AKR1C2: variants seen among roughly 807,000 people sequenced by gnomAD.
AKR1C2 encodes the protein aldo-keto reductase family 1 member C2.
AKR1C2 carries 27 observed loss-of-function variants against 39.8 expected under a neutral mutation model. That is an observed-to-expected ratio of 0.68 (90% CI 0.50 to 0.93). AKR1C2 has a LOEUF of 0.93. AKR1C2 is among the 40% of genes least tolerant of loss of function. The pLI is 0.00. For missense variants in AKR1C2, 263 were observed against 365.1 expected (o/e 0.72, Z 2.28); for synonymous variants, 114 against 137.9 (o/e 0.83, Z 1.22).
intron 1 of AKR1C2, chr10:5,013,205 AT>A (rs782766432): frequency 2.0e-5 from 3 of 152,268 alleles, no homozygotes; most frequent in African/African-American, 4.8e-5. Flanking sequence ...AAAGTTAAAA[AT>A]ATTGAAAATA....
At chr10:4,990,848 G>A (rs2131669142) in intron 8 of AKR1C2, among the ~76,000 whole-genome samples, 1 of 151,312 alleles carries the variant, frequency 6.6e-6, no homozygotes, top group East Asian at 1.9e-4. Context: ...TCTAATGCTT[G>A]CCACTTTTCC....
Position 4,989,969 on chromosome 10 carries a change from G to A in AKR1C2, c.*27C>T, listed in dbSNP as rs367858935. 68 of 1,592,108 alleles carry A rather than the reference G, an allele frequency of 4.3e-5. No individual in the cohort carries two copies. In the South Asian group the frequency reaches 7.0e-4, roughly 16 times the overall value. On this transcript the variant is annotated 3_prime_UTR_variant, in exon 9 of 9. Transcript: ENST00000380753. Reference sequence around the variant, plus strand: ...TCACCATCCACACGCAGGGCCTTCTGGCAGACCTCATGCAATGCCCTCCAT... The same window carrying A: ...TCACCATCCACACGCAGGGCCTTCTAGCAGACCTCATGCAATGCCCTCCAT...
intron 8 of AKR1C2, among the ~76,000 whole-genome samples, chr10:4,990,580 C>T (rs1554772080): frequency 6.6e-6 from 1 of 151,892 alleles, no homozygotes; most frequent in African/African-American, 2.4e-5. Context: ...TTATAGGGCC[C>T]AATATTCAAA....
chr10:5,015,321 G>T (rs1156970262), intron 1 of AKR1C2: 1 of 152,218 alleles, frequency 6.6e-6, no homozygotes, highest in African/African-American at 2.4e-5. Flanking sequence ...GAGGAGTTTT[G>T]TAGATAGGCA....
upstream of AKR1C2, among the ~76,000 whole-genome samples, chr10:5,005,525 C>CAA (rs57669101): frequency 5.0e-4 from 75 of 150,302 alleles, no homozygotes; most frequent in African/African-American, 8.8e-4. Flanking sequence ...TACTAAAATC[C>CAA]AAAAAAAAAT....
chr10:5,009,539 T>A (rs1474152303), intron 1 of AKR1C2, among the ~76,000 whole-genome samples: 1 of 151,794 alleles, frequency 6.6e-6, no homozygotes, highest in African/African-American at 2.4e-5. Context: ...AAACTATTTC[T>A]GAATGGTTTA....
chr10:5,007,393 A>G (rs1837427304), upstream of AKR1C2: 1 of 151,558 alleles, frequency 6.6e-6, no homozygotes, highest in Admixed American at 6.6e-5. Context: ...CAATAATGTG[A>G]AGCAGAAACG....
At chr10:5,014,111 C>G (rs1401709458) in intron 1 of AKR1C2, among the ~76,000 whole-genome samples, 2 of 152,194 alleles carry the variant, frequency 1.3e-5, no homozygotes, top group African/African-American at 4.8e-5. Context: ...TGCTGATGCT[C>G]ACTTGCATTT....
At chr10:4,996,547 A>AATATATATATAT (rs200451297) in intron 5 of AKR1C2, among the ~76,000 whole-genome samples, 3 of 144,548 alleles carry the variant, frequency 2.1e-5, no homozygotes, top group Non-Finnish European at 1.5e-5. Context: ...ATATATATAT[A>AATATATATATAT]ATATATATAT....
At chr10:4,998,343 C>T (rs1254545884) in intron 5 of AKR1C2, among the ~76,000 whole-genome samples, 3 of 152,164 alleles carry the variant, frequency 2.0e-5, no homozygotes, top group Non-Finnish European at 4.4e-5. Flanking sequence ...AGGGGTAAGT[C>T]CACCTTTCCC....
At chr10:4,997,617 T>C (rs1554773244) in intron 5 of AKR1C2, among the ~76,000 whole-genome samples, 2 of 152,128 alleles carry the variant, frequency 1.3e-5, no homozygotes, top group South Asian at 4.1e-4. Context: ...TCCAGTATTA[T>C]TTTTATCAAA....
At chr10:5,017,737 C>T (rs1431705837) in intron 1 of AKR1C2, among the ~76,000 whole-genome samples, 3 of 152,158 alleles carry the variant, frequency 2.0e-5, no homozygotes, top group African/African-American at 7.2e-5. Context: ...ATCTTTATAT[C>T]AATGCTTCAC....
chr10:5,014,408 T>C (rs186913532), intron 1 of AKR1C2, among the ~76,000 whole-genome samples: 38 of 152,310 alleles, frequency 2.5e-4, no homozygotes, highest in Admixed American at 2.0e-3. Context: ...TTTCCTTTTA[T>C]ATATTTTTGC....
chr10:5,001,534 CTT>C lies in AKR1C2; in HGVS notation c.230_231del (p.Glu77GlyfsTer35), dbSNP rs1284829014. The C allele has an allele frequency of 2.5e-6, 4 of 1,613,722 alleles. No homozygotes were observed. The African/African-American group carries it at 5.3e-5, about 22-fold the overall frequency. On this transcript the variant is annotated frameshift_variant, in exon 2 of 9. Transcript: ENST00000380753. LOFTEE classifies it high-confidence loss of function. The part of the protein sequence containing the change: ...SKIADGSVKR[E>X]DIFYTSKLWS... The stretch of plus-strand genomic sequence containing the variant: ...AGTACCTTTGAAGTGTAGAATATGT[CTT>C]CTCTCTTCACACTGCCATCTGCAAT...
intron 1 of AKR1C2, chr10:5,010,732 T>G (rs1291280869): frequency 6.6e-6 from 1 of 152,222 alleles, no homozygotes; most frequent in Non-Finnish European, 1.5e-5. Flanking sequence ...ATGTTGATGA[T>G]AAGGCAATCC....
chr10:5,014,674 G>A (rs1554775204), intron 1 of AKR1C2, among the ~76,000 whole-genome samples: 1 of 152,198 alleles, frequency 6.6e-6, no homozygotes, highest in Non-Finnish European at 1.5e-5. Flanking sequence ...GTGCCTGGCT[G>A]TGCAGTCAGT....
chr10:5,007,743 C>T (rs1237175433), upstream of AKR1C2, among the ~76,000 whole-genome samples: 5 of 151,604 alleles, frequency 3.3e-5, no homozygotes, highest in Admixed American at 1.3e-4. Context: ...AAAGATTTAT[C>T]TGAGATCCAA....
At chr10:4,997,980 G>A (rs541812300) in intron 5 of AKR1C2, among the ~76,000 whole-genome samples, 7 of 151,446 alleles carry the variant, frequency 4.6e-5, no homozygotes, top group Non-Finnish European at 5.9e-5. Flanking sequence ...GACTAGGAGC[G>A]GGGCAGTCAT....
At chr10:4,996,624 C>A (rs1837058039) in intron 5 of AKR1C2, among the ~76,000 whole-genome samples, 1 of 149,232 alleles carries the variant, frequency 6.7e-6, no homozygotes, top group Non-Finnish European at 1.5e-5. Context: ...CACAAGAATC[C>A]GTGAGTCTGT....
Sources: allele counts gnomAD v4.1 joint callset (sites outside exome capture counted in the v4.1 genomes callset), GRCh38; gene constraint gnomAD v4.1.1; transcripts MANE v1.5; gene names NCBI Gene and HGNC (gene_info 2026-07-23, HGNC 2026-07-21).